The following DAB1 variants were observed in gnomAD, a reference collection of about 807,000 sequenced individuals.
The protein encoded by DAB1 is DAB adaptor protein 1.
In DAB1, 15 loss-of-function variants were observed where a neutral mutation model predicts 64.6. The ratio of observed to expected loss-of-function variants is 0.23; its 90% CI spans 0.16 to 0.36. DAB1 has a LOEUF of 0.36. DAB1 is among the 10% of genes least tolerant of loss of function. The pLI is 1.00. For missense variants in DAB1, 596 were observed against 706.7 expected (o/e 0.84, Z 1.78); for synonymous variants, 235 against 251.9 (o/e 0.93, Z 0.64).
At chr1:57,485,282 T>C (rs567853888) in intron 7 of DAB1, among the ~76,000 whole-genome samples, 1 of 152,294 alleles carries the variant, frequency 6.6e-6, no homozygotes, top group Admixed American at 6.5e-5. Flanking sequence ...GGGAGAGTAG[T>C]AGTTAAGAGA....
intron 6 of DAB1, among the ~76,000 whole-genome samples, chr1:57,805,453 A>G (rs1333594818): frequency 1.3e-5 from 2 of 152,186 alleles, no homozygotes; most frequent in African/African-American, 4.8e-5. Context: ...GCTTTTCCCC[A>G]GGTTATTTTC....
chr1:57,917,638 T>C (rs1644747172), intron 5 of DAB1, among the ~76,000 whole-genome samples: 1 of 152,226 alleles, frequency 6.6e-6, no homozygotes, highest in East Asian at 1.9e-4. Context: ...TAGTTTCTTT[T>C]ATGAAGAGCA....
chr1:57,345,497 C>T (rs887544053), intron 1 of DAB1, among the ~76,000 whole-genome samples: 96 of 152,210 alleles, frequency 6.3e-4, no homozygotes, highest in African/African-American at 2.2e-3. Flanking sequence ...GCCACTGTTT[C>T]TTCTTCAGGC....
chr1:58,415,201 G>C (rs578103090), intron 3 of DAB1, among the ~76,000 whole-genome samples: 1 of 152,224 alleles, frequency 6.6e-6, no homozygotes, highest in South Asian at 2.1e-4. Flanking sequence ...GCAAGAAGGT[G>C]GCCACCTGCA....
At chr1:58,246,367 G>A (rs1399116803) in intron 4 of DAB1, among the ~76,000 whole-genome samples, 2 of 152,172 alleles carry the variant, frequency 1.3e-5, no homozygotes, top group African/African-American at 2.4e-5. Flanking sequence ...CAAGAGGGGC[G>A]TTTAAAGAGT....
chr1:57,825,613 GA>G (rs1652310194), downstream of DAB1, among the ~76,000 whole-genome samples: 1 of 152,148 alleles, frequency 6.6e-6, no homozygotes, highest in Non-Finnish European at 1.5e-5. Flanking sequence ...CTGAAGACTG[GA>G]CAGACCCTTT....
intron 3 of DAB1, among the ~76,000 whole-genome samples, chr1:58,446,199 G>C (rs1282385188): frequency 6.6e-6 from 1 of 152,202 alleles, no homozygotes; most frequent in African/African-American, 2.4e-5. Flanking sequence ...TTGTGCACTA[G>C]ATTATAAGCT....
At chr1:57,201,885 T>C (rs1665130404) in intron 2 of DAB1, among the ~76,000 whole-genome samples, 1 of 152,138 alleles carries the variant, frequency 6.6e-6, no homozygotes, top group African/African-American at 2.4e-5. Flanking sequence ...AATAAATGCA[T>C]GCATGCATGC....
At chr1:58,248,448 G>A (rs767237919) in intron 4 of DAB1, among the ~76,000 whole-genome samples, 1 of 152,266 alleles carries the variant, frequency 6.6e-6, no homozygotes, top group East Asian at 1.9e-4. Flanking sequence ...GCCCCACGTC[G>A]CTAAATGCCA....
intron 2 of DAB1, among the ~76,000 whole-genome samples, chr1:58,519,984 C>T (rs1173597326): frequency 6.6e-6 from 1 of 152,254 alleles, no homozygotes; most frequent in East Asian, 1.9e-4. Context: ...GATACATGGA[C>T]AGTCAGAGGT....
chr1:58,324,005 G>T (rs1028522047), intron 4 of DAB1, among the ~76,000 whole-genome samples: 1 of 150,924 alleles, frequency 6.6e-6, no homozygotes, highest in Admixed American at 6.6e-5. Context: ...CAAGGAAAAA[G>T]AGTTACATTT....
intron 5 of DAB1, among the ~76,000 whole-genome samples, chr1:58,122,395 C>G (rs887327102): frequency 6.6e-6 from 1 of 152,140 alleles, no homozygotes; most frequent in Non-Finnish European, 1.5e-5. Flanking sequence ...TTTGAGCCTC[C>G]ATTTCCTGAA....
intron 1 of DAB1, among the ~76,000 whole-genome samples, chr1:57,296,117 G>C (rs1673175253): frequency 6.6e-6 from 1 of 152,104 alleles, no homozygotes; most frequent in South Asian, 2.1e-4. Flanking sequence ...TATTTTCGAT[G>C]TTCTATAGAA....
intron 4 of DAB1, among the ~76,000 whole-genome samples, chr1:58,284,928 G>A (rs1661648473): frequency 6.6e-6 from 1 of 152,152 alleles, no homozygotes; most frequent in South Asian, 2.1e-4. Flanking sequence ...ACACTGCAGT[G>A]GCATTTACTA....
intron 1 of DAB1, among the ~76,000 whole-genome samples, chr1:57,831,988 C>G (rs1295458328): frequency 6.6e-6 from 1 of 152,128 alleles, no homozygotes; most frequent in Non-Finnish European, 1.5e-5. Context: ...GTGGAGAAGA[C>G]ACATGCTAAA....
At chr1:57,378,933 A>G (rs1256541125) in intron 1 of DAB1, among the ~76,000 whole-genome samples, 1 of 152,160 alleles carries the variant, frequency 6.6e-6, no homozygotes, top group Non-Finnish European at 1.5e-5. Flanking sequence ...CTTCTCTTCT[A>G]AAGTAAATTA....
At chr1:58,340,992 A>G (rs1284070378) in intron 4 of DAB1, among the ~76,000 whole-genome samples, 1 of 152,156 alleles carries the variant, frequency 6.6e-6, no homozygotes, top group African/African-American at 2.4e-5. Flanking sequence ...ATGCTGGTAG[A>G]ACAGCTGGGT....
chr1:57,420,219 T>G (rs1490440885), intron 1 of DAB1, among the ~76,000 whole-genome samples: 1 of 152,164 alleles, frequency 6.6e-6, no homozygotes, highest in Non-Finnish European at 1.5e-5. Context: ...TTCATTATTC[T>G]CCATTAAATT....
intron 4 of DAB1, among the ~76,000 whole-genome samples, chr1:58,194,989 G>T (rs1657593429): frequency 6.6e-6 from 1 of 152,122 alleles, no homozygotes. Context: ...TTCAACTATT[G>T]AATAGCCTAA....
Sources: gnomAD v4.1 joint callset for allele counts (sites outside exome capture counted in the v4.1 genomes callset) on GRCh38, gnomAD v4.1.1 for gene constraint, MANE v1.5 for transcripts, NCBI Gene and HGNC (gene_info 2026-07-23, HGNC 2026-07-21) for gene names.